The following MFN2 variants were observed in gnomAD, a reference collection of about 807,000 sequenced individuals.
MFN2 encodes mitofusin-2.
MFN2 carries 43 observed loss-of-function variants against 87.5 expected under a neutral mutation model. The observed-to-expected ratio is 0.49, with a 90% CI of 0.38 to 0.63. MFN2 has a LOEUF of 0.63. MFN2 is among the 30% of genes least tolerant of loss of function. MFN2 has a pLI of 0.00. For synonymous variants in MFN2, 337 were observed against 359.9 expected (o/e 0.94, Z 0.72); for missense variants, 743 against 972.8 (o/e 0.76, Z 3.14).
Position 11,987,804 on chromosome 1 carries a change from AG to A in MFN2, c.-4-1360del, listed in dbSNP as rs1638486718. Among the ~76,000 whole-genome samples the A allele has an allele frequency of 2.6e-5, 4 of 151,800 alleles. No individual in the cohort carries two copies. In the South Asian group the frequency reaches 8.3e-4, roughly 32 times the overall value. On this transcript the variant is annotated intron_variant, in intron 2 of 18. Transcript: ENST00000235329. Reference sequence around the variant, plus strand: ...CTCTACAAAAAATTTTAAAAAAATTAGTGGGGCGTGGTGGTGCATGCCTGTG... The same window carrying A: ...CTCTACAAAAAATTTTAAAAAAATTATGGGGCGTGGTGGTGCATGCCTGTG...
intron 4 of MFN2, among the ~76,000 whole-genome samples, chr1:11,994,087 G>T (rs1638810328): frequency 6.6e-6 from 1 of 152,276 alleles, no homozygotes; most frequent in Non-Finnish European, 1.5e-5. Context: ...TAACCATGGG[G>T]TATCTGTTTC....
intron 1 of MFN2, among the ~76,000 whole-genome samples, chr1:11,981,647 A>C (rs1557509207): frequency 6.6e-6 from 1 of 152,228 alleles, no homozygotes; most frequent in Non-Finnish European, 1.5e-5. Context: ...ACAGTCCTCA[A>C]GCCCAGTTTT....
chr1:11,992,264 C>T (rs1389442190), intron 3 of MFN2: 46 of 454,312 alleles, frequency 1.0e-4, no homozygotes, highest in South Asian at 4.0e-4. Context: ...TAGTTATCTC[C>T]GTTTTGTGCT....
chr1:12,002,140 G>T, intron 11 of MFN2, 37 bp downstream of exon 11: 2 of 1,613,028 alleles, frequency 1.2e-6, no homozygotes, highest in East Asian at 4.5e-5. Context: ...GGAGAGAGCT[G>T]CCGAGACAAG....
chr1:12,008,320 G>A (rs1182852013), intron 17 of MFN2, among the ~76,000 whole-genome samples: 1 of 151,924 alleles, frequency 6.6e-6, no homozygotes, highest in Non-Finnish European at 1.5e-5. Context: ...TCCCAGAAGG[G>A]GTGGTTGGGC....
In MFN2 at chr1:12,004,538, G is replaced by T. The variant is rs1226682845; in HGVS notation, c.1317G>T (p.Arg439Ser). 6.2e-7 allele frequency: 1 copy of T among 1,614,166 alleles called. No homozygotes were observed. Among genetic ancestry groups the T allele is most frequent in the African/African-American group, 1.3e-5 (1 of 75,036 alleles). Reference sequence around the variant, plus strand: ...CGACTGCAATGGCCGAGGAGATCAGGCGCCTCTCTGTACTGGTGGACGATT... The same window carrying T: ...CGACTGCAATGGCCGAGGAGATCAGTCGCCTCTCTGTACTGGTGGACGATT... Reference protein sequence around the residue: ...QVSTAMAEEIRRLSVLVDDYQ... With the variant: ...QVSTAMAEEISRLSVLVDDYQ... The change falls in exon 13 of 19, where the codon AGG becomes AGT. Residue 439 changes from arginine to serine, a missense_variant. By Grantham distance (110) the Arg-to-Ser change is moderately radical. Around this residue, in one of 3 missense-constraint regions of MFN2, gnomAD observed 571 missense variants for 670.7 expected, o/e 0.85. Coordinates refer to ENST00000235329, the MANE Select transcript of MFN2 (RefSeq NM_014874.4). This position sits in a 1 kb window ranked among gnomAD's most constrained non-coding sequence, Gnocchi z 4.2.
intron 2 of MFN2, among the ~76,000 whole-genome samples, 182 bp downstream of exon 2, chr1:11,982,296 T>G (rs1481836321): frequency 6.6e-6 from 1 of 152,170 alleles, no homozygotes; most frequent in Non-Finnish European, 1.5e-5. Context: ...CGCTGGTTGC[T>G]TAGAGAGCCT....
chr1:12,001,200 A>G (rs1269224181), intron 8 of MFN2, among the ~76,000 whole-genome samples: 1 of 152,108 alleles, frequency 6.6e-6, no homozygotes, highest in Non-Finnish European at 1.5e-5. Flanking sequence ...TTTAGTAGAG[A>G]CAGGGTTTCA....
intron 16 of MFN2, 50 bp from the exon 17 acceptor site, chr1:12,006,986 GTGATGGGCCCCAGAGGA>G: frequency 6.3e-7 from 1 of 1,584,720 alleles, no homozygotes; most frequent in South Asian, 1.1e-5. Context: ...GGCCCTGGTA[GTGATGGGCCCCAGAGGA>G]GGGTGGGCCA....
At chr1:12,000,309 C>CCT (rs1472739063) in intron 8 of MFN2, among the ~76,000 whole-genome samples, 2 of 151,928 alleles carry the variant, frequency 1.3e-5, no homozygotes, top group African/African-American at 4.8e-5. Flanking sequence ...TCTGCCTCAG[C>CCT]CTCCCGAGTA....
chr1:11,983,466 G>A (rs1569777728), intron 2 of MFN2, among the ~76,000 whole-genome samples: 1 of 152,234 alleles, frequency 6.6e-6, no homozygotes, highest in African/African-American at 2.4e-5. Flanking sequence ...GCTTTGGGAA[G>A]TGCTGCCAGA....
intron 2 of MFN2, among the ~76,000 whole-genome samples, chr1:11,987,334 TAAAC>T (rs1638461270): frequency 1.4e-5 from 2 of 146,988 alleles, no homozygotes; most frequent in Non-Finnish European, 3.0e-5. Flanking sequence ...AAAATTATAA[TAAAC>T]AAAATGTTGG....
intron 2 of MFN2, among the ~76,000 whole-genome samples, chr1:11,987,076 G>A (rs1237312437): frequency 6.6e-6 from 1 of 151,950 alleles, no homozygotes; most frequent in Non-Finnish European, 1.5e-5. Context: ...TCGGGAGGCC[G>A]AAGCAGATGG....
chr1:12,011,873 G>C lies in MFN2; in HGVS notation c.*308G>C. 2.1e-6 allele frequency: 1 copy of C among 478,390 alleles called. No individual in the cohort carries two copies. 29.6% of individuals were successfully genotyped at this position (478,390 alleles called of 1,614,324 possible). A position where few individuals can be genotyped will look rare whatever the true frequency, so the allele number is the denominator to read the frequency against. On this transcript the variant is annotated 3_prime_UTR_variant, in exon 19 of 19. Coordinates refer to ENST00000235329, the MANE Select transcript of MFN2 (RefSeq NM_014874.4). ...TCTGGTTCATTTGATTGCTTGATAA[G>C]GCCTCAGGATCTCAGCATTGCACAA...
rs2295281 is a variant in MFN2, at chr1:11,999,355, C to T, written c.816+260C>T. ...TGCTGCATTAGTGCATCTTCAGTGC[C>T]GGTGCTCAGTTTGGTTTCTGAGGAA... On this transcript the variant is annotated intron_variant, in intron 8 of 18. Coordinates refer to ENST00000235329, the MANE Select transcript of MFN2 (RefSeq NM_014874.4). 0.46 allele frequency among the ~76,000 whole-genome samples: 69,901 copies of T among 151,936 alleles called. 17,069 individuals are homozygous for T. Among genetic ancestry groups the T allele is most frequent in the Non-Finnish European group, 0.53 (36,071 of 67,948 alleles).
intron 3 of MFN2, among the ~76,000 whole-genome samples, chr1:11,991,637 CAT>C (rs1219808185): frequency 2.0e-5 from 3 of 152,154 alleles, no homozygotes; most frequent in Non-Finnish European, 4.4e-5. Flanking sequence ...CAAGAAGTGA[CAT>C]AGAGGCCGGG....
chr1:11,994,449 G>T (rs1456624248), intron 4 of MFN2, among the ~76,000 whole-genome samples: 1 of 152,142 alleles, frequency 6.6e-6, no homozygotes, highest in Non-Finnish European at 1.5e-5. Context: ...AATTAGCTGG[G>T]TGTGGTGGCG....
At position 11,997,879 on chromosome 1, in the gene MFN2, C is replaced by CTTTTTT. The variant is rs768355266; in HGVS notation, c.599+475_599+480dup. On this transcript the variant is annotated intron_variant, in intron 6 of 18. Coordinates refer to ENST00000235329, the MANE Select transcript of MFN2 (RefSeq NM_014874.4). ...CAACTTCACCTTAATTGTATATCAT[C>CTTTTTT]TTTTTTTTTTTTTTTTTTTTTTGAG... 3.7e-3 allele frequency among the ~76,000 whole-genome samples: 355 copies of CTTTTTT among 95,854 alleles called. 14 individuals are homozygous for CTTTTTT. Among genetic ancestry groups the CTTTTTT allele is most frequent in the Non-Finnish European group, 4.7e-3 (243 of 52,252 alleles). 62.9% of individuals were successfully genotyped at this position (95,854 alleles called of 152,430 possible).
At chr1:11,986,591 C>CT (rs555735351) in intron 2 of MFN2, among the ~76,000 whole-genome samples, 5,456 of 136,752 alleles carry the variant, frequency 0.04, 363 homozygotes, top group African/African-American at 0.12. Flanking sequence ...TCTTTTTGAT[C>CT]TTTTTTTTTT....
Sources: allele counts gnomAD v4.1 joint callset (sites outside exome capture counted in the v4.1 genomes callset), GRCh38; gene constraint gnomAD v4.1.1; regional missense constraint gnomAD v4.1.1; non-coding constraint Gnocchi (gnomAD v3.1); transcripts MANE v1.5; gene names NCBI Gene and HGNC (gene_info 2026-07-23, HGNC 2026-07-21).